The following CYP7B1 variants were observed in gnomAD, a reference collection of about 807,000 sequenced individuals.
CYP7B1 encodes the protein cytochrome P450 7B1.
A neutral mutation model predicts 42.7 loss-of-function variants in CYP7B1; 29 were observed. That is an observed-to-expected ratio of 0.68 (90% CI 0.51 to 0.93). CYP7B1 has a LOEUF of 0.93. CYP7B1 is among the 40% of genes least tolerant of loss of function. CYP7B1 has a pLI of 0.00. For missense variants in CYP7B1, 655 were observed against 600.5 expected, an observed-to-expected ratio of 1.09 and a Z score of -0.95; for synonymous variants, 235 against 218.2, an observed-to-expected ratio of 1.08 and a Z score of -0.68.
chr8:64,664,607 C>A (rs982186028), intron 1 of CYP7B1, among the ~76,000 whole-genome samples: 4 of 152,228 alleles, frequency 2.6e-5, no homozygotes, highest in Admixed American at 2.6e-4. Context: ...GCAGGCTTGA[C>A]GATCTCTAAA....
chr8:64,649,471 T>G (rs1307881160), intron 1 of CYP7B1, among the ~76,000 whole-genome samples: 4 of 152,232 alleles, frequency 2.6e-5, no homozygotes, highest in African/African-American at 9.6e-5. Context: ...GTTGGACATC[T>G]GGGTTACCTC....
intron 1 of CYP7B1, among the ~76,000 whole-genome samples, chr8:64,652,127 T>C (rs552334057): frequency 6.6e-6 from 1 of 152,332 alleles, no homozygotes; most frequent in East Asian, 1.9e-4. Flanking sequence ...ATACTCAAAA[T>C]GCAAATCTAG....
intron 1 of CYP7B1, among the ~76,000 whole-genome samples, chr8:64,725,291 T>C (rs1807307173): frequency 6.6e-6 from 1 of 152,258 alleles, no homozygotes; most frequent in Non-Finnish European, 1.5e-5. Context: ...TGTTTTGTTA[T>C]CAAAGTATCA....
chr8:64,737,847 G>A (rs1207103410), intron 1 of CYP7B1, among the ~76,000 whole-genome samples: 1 of 152,150 alleles, frequency 6.6e-6, no homozygotes, highest in African/African-American at 2.4e-5. Flanking sequence ...ATAGCCAACA[G>A]GTTATTCCCG....
chr8:64,798,712 C>T lies in CYP7B1; in HGVS notation c.-125G>A. 9.3e-7 allele frequency: 1 copy of T among 1,080,550 alleles called. No homozygotes were observed. 66.9% of individuals were successfully genotyped at this position (1,080,550 alleles called of 1,614,324 possible). A position where few individuals can be genotyped will look rare whatever the true frequency, so the allele number is the denominator to read the frequency against. ...CTAGTCCAGGGCCGGAGAGGCTGGC[C>T]TGCCCGCAGCGCAGACAGGAATGTC... On this transcript the variant is annotated 5_prime_UTR_variant, in exon 1 of 6. Transcript: ENST00000310193.
intron 1 of CYP7B1, among the ~76,000 whole-genome samples, chr8:64,758,445 C>G (rs769911334): frequency 2.0e-5 from 3 of 152,180 alleles, no homozygotes; most frequent in African/African-American, 7.2e-5. Flanking sequence ...TTTGAAACAT[C>G]TCTCCTAACT....
chr8:64,748,120 A>G (rs1488026067), intron 1 of CYP7B1, among the ~76,000 whole-genome samples: 1 of 152,188 alleles, frequency 6.6e-6, no homozygotes, highest in African/African-American at 2.4e-5. Context: ...GATGAGAGAC[A>G]TCATCAGATT....
At chr8:64,610,113 A>C (rs1214343307) in intron 4 of CYP7B1, among the ~76,000 whole-genome samples, 2 of 152,216 alleles carry the variant, frequency 1.3e-5, no homozygotes. Flanking sequence ...GTTGATATTT[A>C]GATCTAAATA....
At chr8:64,672,846 C>A (rs144279790) in intron 1 of CYP7B1, among the ~76,000 whole-genome samples, 97 of 152,226 alleles carry the variant, frequency 6.4e-4, no homozygotes, top group African/African-American at 2.1e-3. Context: ...AAAGGCAGGG[C>A]AATCATCAAT....
intron 1 of CYP7B1, among the ~76,000 whole-genome samples, chr8:64,745,137 C>T (rs1235929470): frequency 6.6e-6 from 1 of 152,136 alleles, no homozygotes; most frequent in African/African-American, 2.4e-5. Flanking sequence ...AATGAAGTGG[C>T]AAGGACAACC....
At chr8:64,712,799 C>T (rs773208260) in intron 1 of CYP7B1, among the ~76,000 whole-genome samples, 31 of 150,946 alleles carry the variant, frequency 2.1e-4, no homozygotes, top group Non-Finnish European at 3.8e-4. Context: ...TATAGTCTTA[C>T]AGTGCAGAAA....
At chr8:64,757,874 T>C (rs1023198103) in intron 1 of CYP7B1, among the ~76,000 whole-genome samples, 3 of 152,306 alleles carry the variant, frequency 2.0e-5, no homozygotes, top group African/African-American at 7.2e-5. Flanking sequence ...CATGCATGCT[T>C]CTTGCCCCTT....
intron 1 of CYP7B1, among the ~76,000 whole-genome samples, chr8:64,728,539 C>T (rs1433015461): frequency 1.3e-5 from 2 of 152,144 alleles, no homozygotes; most frequent in Non-Finnish European, 2.9e-5. Context: ...AAAGACTTCT[C>T]CTTCCGGATG....
intron 2 of CYP7B1, among the ~76,000 whole-genome samples, chr8:64,621,653 A>G (rs1410302656): frequency 6.6e-6 from 1 of 152,050 alleles, no homozygotes; most frequent in Admixed American, 6.6e-5. Context: ...GAGCCTCATG[A>G]GGACTACTGT....
intron 1 of CYP7B1, among the ~76,000 whole-genome samples, chr8:64,682,515 C>G (rs1806554358): frequency 6.6e-6 from 1 of 152,200 alleles, no homozygotes; most frequent in South Asian, 2.1e-4. Context: ...AGGCCTGAGA[C>G]AAGCTTATTC....
At chr8:64,785,369 C>T (rs780122297) in intron 1 of CYP7B1, among the ~76,000 whole-genome samples, 1 of 152,156 alleles carries the variant, frequency 6.6e-6, no homozygotes, top group Non-Finnish European at 1.5e-5. Flanking sequence ...CTTACCCAAA[C>T]GAGTTCAAAA....
chr8:64,675,403 G>A (rs1806430820), intron 1 of CYP7B1, among the ~76,000 whole-genome samples: 1 of 150,616 alleles, frequency 6.6e-6, no homozygotes, highest in African/African-American at 2.4e-5. Flanking sequence ...TGCAAGATGT[G>A]CTATTTTTGT....
chr8:64,780,636 T>G (rs2129675788), intron 1 of CYP7B1, among the ~76,000 whole-genome samples: 1 of 152,288 alleles, frequency 6.6e-6, no homozygotes, highest in East Asian at 1.9e-4. Context: ...CTTCTCTTAT[T>G]CAACAAAGTA....
intron 1 of CYP7B1, among the ~76,000 whole-genome samples, chr8:64,631,609 A>G (rs1327463694): frequency 6.6e-6 from 1 of 152,212 alleles, no homozygotes; most frequent in Non-Finnish European, 1.5e-5. Flanking sequence ...AGCAAAAGAA[A>G]CAACTGACAG....
Sources: gnomAD v4.1 joint callset for allele counts (sites outside exome capture counted in the v4.1 genomes callset) on GRCh38, gnomAD v4.1.1 for gene constraint, MANE v1.5 for transcripts, NCBI Gene and HGNC (gene_info 2026-07-23, HGNC 2026-07-21) for gene names.